The following SLC7A1 variants were observed in gnomAD, a reference collection of about 807,000 sequenced individuals.
The protein encoded by SLC7A1 is high affinity cationic amino acid transporter 1.
Under a neutral mutation model 53.9 loss-of-function variants are expected in SLC7A1, and 10 were observed. The observed-to-expected ratio is 0.19, with a 90% CI of 0.11 to 0.31. The LOEUF (loss-of-function observed/expected upper bound fraction) is 0.31. Ranked by LOEUF, SLC7A1 falls within the 10% of genes least tolerant of loss-of-function variation. The pLI, the probability that SLC7A1 is intolerant of heterozygous loss-of-function variation, is 1.00. For synonymous variants in SLC7A1, 342 were observed against 338.7 expected, an observed-to-expected ratio of 1.01 and a Z score of -0.11; for missense variants, 525 against 827.2, an observed-to-expected ratio of 0.63 and a Z score of 4.48.
chr13:29,542,257 C>A (rs1414982402), intron 2 of SLC7A1, among the ~76,000 whole-genome samples: 2 of 152,134 alleles, frequency 1.3e-5, no homozygotes, highest in Non-Finnish European at 2.9e-5. Context: ...GAGTTGGAGA[C>A]CAGCCTGGCC....
chr13:29,551,855 C>T (rs868827482), intron 2 of SLC7A1, among the ~76,000 whole-genome samples: 1 of 152,146 alleles, frequency 6.6e-6, no homozygotes, highest in Non-Finnish European at 1.5e-5. Flanking sequence ...TTTTACCCAC[C>T]GCCTTTGGGA....
intron 3 of SLC7A1, among the ~76,000 whole-genome samples, chr13:29,535,045 GC>G (rs1869344962): frequency 1.3e-5 from 2 of 152,198 alleles, no homozygotes; most frequent in African/African-American, 4.8e-5. Flanking sequence ...AGGGAAAGGG[GC>G]CCCTGGCTAC....
intron 12 of SLC7A1, among the ~76,000 whole-genome samples, chr13:29,515,249 T>C (rs946819824): frequency 1.2e-4 from 18 of 152,180 alleles, no homozygotes; most frequent in African/African-American, 4.3e-4. Flanking sequence ...CACAGGGACT[T>C]TGACAGGGAT....
intron 1 of SLC7A1, among the ~76,000 whole-genome samples, chr13:29,573,648 C>A (rs1489686144): frequency 6.6e-6 from 1 of 152,188 alleles, no homozygotes; most frequent in Non-Finnish European, 1.5e-5. Context: ...ATCTAAATTT[C>A]ATGTGAATGA....
chr13:29,519,549 G>A lies in SLC7A1; in HGVS notation c.1190C>T (p.Ala397Val), dbSNP rs775070575. The stretch of plus-strand genomic sequence containing the variant: ...CAGGTCAAAGAGGAAGGCCATCACA[G>A]CTGGGAAGAGACAGACACCAGGATC... ...IATLASGAVA[A>V]VMAFLFDLKD... The change falls in exon 9 of 13, where the codon GCT (alanine) becomes GTT (valine). Residue 397 changes from alanine (A) to valine (V), a missense_variant and splice_region_variant. Physicochemically the swap from Ala to Val is moderately conservative, Grantham distance 64 (BLOSUM62 0). Coordinates refer to ENST00000380752, the MANE Select transcript of SLC7A1 (RefSeq NM_003045.5). 2 of 1,595,792 alleles carry A rather than the reference G, an allele frequency of 1.3e-6. No individual in the cohort carries two copies. Among genetic ancestry groups the A allele is most frequent in the Admixed American group, 1.7e-5 (1 of 59,762 alleles).
Position 29,520,703 on chromosome 13 carries a change from C to G in SLC7A1, c.1190-1154G>C, listed in dbSNP as rs906416466. On this transcript the variant is annotated intron_variant, in intron 8 of 12. Coordinates refer to ENST00000380752, the MANE Select transcript of SLC7A1 (RefSeq NM_003045.5). Reference sequence around the variant, plus strand: ...TAAACACAAAGCCATTATTTTTCCACAAATATCTCTCAAGCCCCTCTAGAT... The same window carrying G: ...TAAACACAAAGCCATTATTTTTCCAGAAATATCTCTCAAGCCCCTCTAGAT... Among the ~76,000 whole-genome samples, 10 of 152,168 alleles carry G rather than the reference C, an allele frequency of 6.6e-5. No individual in the cohort carries two copies. The East Asian group carries it at 7.7e-4, about 12-fold the overall frequency.
chr13:29,571,470 G>T (rs764645410), intron 1 of SLC7A1, among the ~76,000 whole-genome samples: 4 of 152,224 alleles, frequency 2.6e-5, no homozygotes, highest in Non-Finnish European at 5.9e-5. Flanking sequence ...ATGCAGGGTG[G>T]TGAAGAGCTG....
chr13:29,566,785 T>TA (rs532495328), intron 1 of SLC7A1, among the ~76,000 whole-genome samples: 62 of 152,268 alleles, frequency 4.1e-4, no homozygotes, highest in South Asian at 1.0e-3. Flanking sequence ...CTATTTTTTG[T>TA]AAAAAAAGTC....
At chr13:29,575,372 T>A (rs1871368869) in intron 1 of SLC7A1, among the ~76,000 whole-genome samples, 1 of 152,224 alleles carries the variant, frequency 6.6e-6, no homozygotes, top group African/African-American at 2.4e-5. Flanking sequence ...AGACATAGTT[T>A]TAAAAGCCGA....
chr13:29,566,188 T>C (rs1409161278), intron 1 of SLC7A1, among the ~76,000 whole-genome samples: 1 of 152,156 alleles, frequency 6.6e-6, no homozygotes, highest in African/African-American at 2.4e-5. Context: ...AATTAAAAAA[T>C]ACTTACAATT....
intron 5 of SLC7A1, among the ~76,000 whole-genome samples, chr13:29,524,561 GA>G (rs1868796572): frequency 6.6e-6 from 1 of 152,180 alleles, no homozygotes; most frequent in Admixed American, 6.5e-5. Flanking sequence ...GGAAATGGGG[GA>G]GAAACCAGCC....
At chr13:29,538,391 G>A (rs191977721) in intron 2 of SLC7A1, among the ~76,000 whole-genome samples, 51 of 152,344 alleles carry the variant, frequency 3.3e-4, no homozygotes, top group Middle Eastern at 3.4e-3. Flanking sequence ...CTGAGGCCAA[G>A]AGAAGAGCAA....
At chr13:29,530,224 G>C (rs550750180) in intron 5 of SLC7A1, among the ~76,000 whole-genome samples, 1 of 152,266 alleles carries the variant, frequency 6.6e-6, no homozygotes, top group South Asian at 2.1e-4. Context: ...AGAATCTGGG[G>C]AAAGAGGGAT....
At chr13:29,523,602 C>G in intron 6 of SLC7A1, 114 bp from the exon 7 acceptor site, 2 of 746,404 alleles carry the variant, frequency 2.7e-6, no homozygotes, top group Non-Finnish European at 4.5e-6. Context: ...TACGAGAAAC[C>G]TCCCTCCAGC....
chr13:29,516,219 G>T lies in SLC7A1; in HGVS notation c.1705C>A (p.Leu569Met). The change falls in exon 12 of 13, where the codon CTG becomes ATG. Residue 569 changes from leucine to methionine, a missense_variant. By Grantham distance (15) the Leu-to-Met change is conservative. This residue lies in a region of SLC7A1 where 8 missense variants were observed against 37.5 expected (regional missense o/e 0.21). Transcript: ENST00000380752. ...AGATAGACGTTCACGAAGATGCTCAGGATGGGGAGCACTGGCAGGAAGGGA... is the reference window on the plus strand; with the variant it reads ...AGATAGACGTTCACGAAGATGCTCATGATGGGGAGCACTGGCAGGAAGGGA... Reference protein sequence around the residue: ...KVPFLPVLPILSIFVNVYLMM... With the variant: ...KVPFLPVLPIMSIFVNVYLMM... 1 of 1,613,470 alleles carries T rather than the reference G, an allele frequency of 6.2e-7. No homozygotes were observed. The highest frequency in any genetic ancestry group is 8.5e-7 in the Non-Finnish European group (1 of 1,179,696).
chr13:29,523,448 C>A lies in SLC7A1; in HGVS notation c.867G>T (p.Gly289=). 1.2e-6 allele frequency: 2 copies of A among 1,613,990 alleles called. No individual in the cohort carries two copies. Among genetic ancestry groups the A allele is most frequent in the Non-Finnish European group, 8.5e-7 (1 of 1,180,018 alleles). ...VKNPQKAIPV[G]IVASLLICFI... is the part of the protein sequence containing the mutation. Reference sequence around the variant, plus strand: ...AGCAGATCAAGAGGGACGCCACGATCCCCACGGGGATGGCCTTCTGTGGGT... The same window carrying A: ...AGCAGATCAAGAGGGACGCCACGATACCCACGGGGATGGCCTTCTGTGGGT... The change falls in exon 7 of 13, where the codon GGG becomes GGT. Residue 289 remains glycine, a synonymous_variant. Coordinates refer to ENST00000380752, the MANE Select transcript of SLC7A1 (RefSeq NM_003045.5).
At chr13:29,519,642 AG>A (rs1292751134) in intron 8 of SLC7A1, 93 bp from the exon 9 acceptor site, 6 of 737,920 alleles carry the variant, frequency 8.1e-6, no homozygotes, top group African/African-American at 3.5e-5. Flanking sequence ...AGGGCAGCGA[AG>A]GGGGCTGCTT....
At position 29,561,971 on chromosome 13, in the gene SLC7A1, C is replaced by A. The variant is rs527380; in HGVS notation, c.-114-8111G>T. The stretch of plus-strand genomic sequence containing the variant: ...CTGAAAGTCCAAATCTTAGATTTAT[C>A]CAGACTCTTGTTAACTGCAGTAATA... On this transcript the variant is annotated intron_variant, in intron 1 of 12. Transcript: ENST00000380752. Among the ~76,000 whole-genome samples the A allele has an allele frequency of 3.5e-3, 536 of 152,330 alleles. 4 individuals are homozygous for A. The highest frequency in any genetic ancestry group is 0.012 in the African/African-American group (503 of 41,570).
At chr13:29,590,547 C>T (rs1872067108) in intron 1 of SLC7A1, among the ~76,000 whole-genome samples, 2 of 152,104 alleles carry the variant, frequency 1.3e-5, no homozygotes, top group African/African-American at 4.8e-5. Flanking sequence ...CTCAGGGAGA[C>T]ATCAGGATTC....
Sources: allele counts gnomAD v4.1 joint callset (sites outside exome capture counted in the v4.1 genomes callset), GRCh38; gene constraint gnomAD v4.1.1; regional missense constraint gnomAD v4.1.1; transcripts MANE v1.5; gene names NCBI Gene and HGNC (gene_info 2026-07-23, HGNC 2026-07-21).